The following CNTNAP2 variants were observed in gnomAD, a reference collection of about 807,000 sequenced individuals.
The protein encoded by CNTNAP2 is contactin associated protein 2.
Under a neutral mutation model 155.2 loss-of-function variants are expected in CNTNAP2, and 98 were observed. That is an observed-to-expected ratio of 0.63 (90% CI 0.54 to 0.75). The LOEUF is 0.75. Ranked by LOEUF, CNTNAP2 falls within the 30% of genes least tolerant of loss-of-function variation. The probability of loss-of-function intolerance (pLI) is 0.00; values close to 1 mark genes in which losing one functional copy is unlikely to be tolerated. For synonymous variants in CNTNAP2, 651 were observed against 631.2 expected, an observed-to-expected ratio of 1.03 and a Z score of -0.47; for missense variants, 1,727 against 1,688.1, an observed-to-expected ratio of 1.02 and a Z score of -0.40.
At chr7:146,783,689 C>A (rs568440842) in intron 2 of CNTNAP2, among the ~76,000 whole-genome samples, 7 of 152,240 alleles carry the variant, frequency 4.6e-5, no homozygotes, top group African/African-American at 1.7e-4. Flanking sequence ...TCATAGAAAT[C>A]TGTGCTAGGT....
chr7:147,936,819 C>A (rs1162363973), intron 14 of CNTNAP2, among the ~76,000 whole-genome samples: 4 of 152,146 alleles, frequency 2.6e-5, no homozygotes, highest in Non-Finnish European at 5.9e-5. Flanking sequence ...ATGGTGACAT[C>A]CTGTTACCGT....
intron 8 of CNTNAP2, among the ~76,000 whole-genome samples, chr7:147,144,025 AG>A (rs1009780437): frequency 1.4e-4 from 22 of 152,150 alleles, no homozygotes; most frequent in African/African-American, 5.1e-4. Context: ...GATTAACTCC[AG>A]GGAAAAACAA....
chr7:146,667,024 C>A (rs2642500), intron 1 of CNTNAP2, among the ~76,000 whole-genome samples: 122,999 of 152,082 alleles, frequency 0.81, 50,340 homozygotes, highest in South Asian at 0.91. Flanking sequence ...TGTTGTTGTA[C>A]TTTTGAGGAA....
chr7:146,636,119 G>A (rs1458244165), intron 1 of CNTNAP2, among the ~76,000 whole-genome samples: 2 of 151,110 alleles, frequency 1.3e-5, no homozygotes, highest in African/African-American at 4.9e-5. Context: ...ACGGAAAACA[G>A]ATCAGTGAAT....
intron 1 of CNTNAP2, among the ~76,000 whole-genome samples, chr7:146,357,441 ATATCT>A (rs1385125254): frequency 5.9e-5 from 9 of 152,238 alleles, no homozygotes; most frequent in South Asian, 2.1e-4. Context: ...CTATAAGATC[ATATCT>A]TATCATATAA....
chr7:147,384,280 A>G (rs1339062823), intron 9 of CNTNAP2, among the ~76,000 whole-genome samples: 2 of 152,228 alleles, frequency 1.3e-5, no homozygotes, highest in Non-Finnish European at 2.9e-5. Context: ...TATTACAGAA[A>G]AAGTGAAACT....
chr7:148,174,920 C>A (rs774383371), intron 18 of CNTNAP2, among the ~76,000 whole-genome samples: 3 of 152,022 alleles, frequency 2.0e-5, no homozygotes, highest in Non-Finnish European at 2.9e-5. Context: ...CGCCAACCCC[C>A]CAACAGACCC....
chr7:147,435,479 G>A lies in CNTNAP2; in HGVS notation c.1670+39699G>A, dbSNP rs551842306. Among the ~76,000 whole-genome samples, 13 of 152,300 alleles carry A rather than the reference G, an allele frequency of 8.5e-5. No homozygotes were observed. In the East Asian group the frequency reaches 2.1e-3, roughly 25 times the overall value. The stretch of plus-strand genomic sequence containing the variant: ...CACTGCCTTAGGCATTAGGATCTGA[G>A]ACTATATATCCATGGATTGCAGCAA... On this transcript the variant is annotated intron_variant, in intron 10 of 23. Coordinates refer to ENST00000361727, the MANE Select transcript of CNTNAP2 (RefSeq NM_014141.6).
chr7:146,561,747 G>A (rs189520809), intron 1 of CNTNAP2, among the ~76,000 whole-genome samples: 130 of 152,154 alleles, frequency 8.5e-4, no homozygotes, highest in African/African-American at 3.1e-3. Flanking sequence ...ATGAAATTCC[G>A]GCAACTTTTA....
intron 13 of CNTNAP2, among the ~76,000 whole-genome samples, chr7:147,753,895 T>C (rs556416916): frequency 1.7e-4 from 26 of 152,278 alleles, no homozygotes; most frequent in African/African-American, 5.3e-4. Context: ...GATTAATATA[T>C]ATTCAAAAAA....
intron 8 of CNTNAP2, among the ~76,000 whole-genome samples, chr7:147,179,500 G>T (rs1338368403): frequency 2.0e-5 from 3 of 152,132 alleles, no homozygotes; most frequent in Non-Finnish European, 2.9e-5. Context: ...AGGAACAAAT[G>T]GTTGACCTGT....
intron 13 of CNTNAP2, among the ~76,000 whole-genome samples, chr7:147,745,971 T>C (rs1797035595): frequency 6.6e-6 from 1 of 152,238 alleles, no homozygotes; most frequent in Non-Finnish European, 1.5e-5. Context: ...TCATGGGGTG[T>C]AATCTGTATA....
intron 1 of CNTNAP2, among the ~76,000 whole-genome samples, chr7:146,329,857 C>T (rs1376009551): frequency 3.3e-5 from 5 of 152,024 alleles, no homozygotes; most frequent in South Asian, 4.2e-4. Context: ...CATTATATAA[C>T]GAGTCTTCAC....
At chr7:146,293,929 G>T (rs1157971458) in intron 1 of CNTNAP2, among the ~76,000 whole-genome samples, 1 of 151,852 alleles carries the variant, frequency 6.6e-6, no homozygotes, top group Non-Finnish European at 1.5e-5. Context: ...GAGTTGGAGG[G>T]GCTGCCTTTC....
At chr7:146,729,374 G>T (rs1223890504) in intron 1 of CNTNAP2, among the ~76,000 whole-genome samples, 1 of 152,138 alleles carries the variant, frequency 6.6e-6, no homozygotes, top group Non-Finnish European at 1.5e-5. Context: ...CAGAATGGAA[G>T]TGTCAATTTC....
chr7:147,752,395 G>A (rs1797149548), intron 13 of CNTNAP2, among the ~76,000 whole-genome samples: 1 of 152,088 alleles, frequency 6.6e-6, no homozygotes, highest in Admixed American at 6.5e-5. Flanking sequence ...TAGAAGCTGT[G>A]ATGACAGACG....
chr7:146,432,475 T>C lies in CNTNAP2; in HGVS notation c.97+315502T>C, dbSNP rs1422299970. On this transcript the variant is annotated intron_variant, in intron 1 of 23. Transcript: ENST00000361727. ...TAAATATAAATTCTCATTATGAAACTCTGTAAATGTAGAAACTATGGAACA... is the reference window on the plus strand; with the variant it reads ...TAAATATAAATTCTCATTATGAAACCCTGTAAATGTAGAAACTATGGAACA... 2.6e-5 allele frequency among the ~76,000 whole-genome samples: 4 copies of C among 152,096 alleles called. No homozygotes were observed. In the East Asian group the frequency reaches 7.7e-4, roughly 29 times the overall value.
At chr7:146,462,561 T>A (rs1215959235) in intron 1 of CNTNAP2, among the ~76,000 whole-genome samples, 1 of 152,216 alleles carries the variant, frequency 6.6e-6, no homozygotes, top group Non-Finnish European at 1.5e-5. Context: ...AACACTGCTC[T>A]TGATATTGGT....
Position 146,207,376 on chromosome 7 carries a change from T to C in CNTNAP2, c.97+90403T>C, listed in dbSNP as rs1178529435. Among the ~76,000 whole-genome samples the C allele has an allele frequency of 2.6e-5, 4 of 152,066 alleles. No homozygotes were observed. In the East Asian group the frequency reaches 7.7e-4, roughly 29 times the overall value. ...TGGTTTTCTTTAATGGGGATTAAAATGCTTTCCATTCAAGATGTACTGAGT... is the reference window on the plus strand; with the variant it reads ...TGGTTTTCTTTAATGGGGATTAAAACGCTTTCCATTCAAGATGTACTGAGT... On this transcript the variant is annotated intron_variant, in intron 1 of 23. Transcript: ENST00000361727.
Sources: allele counts gnomAD v4.1 joint callset (sites outside exome capture counted in the v4.1 genomes callset), GRCh38; gene constraint gnomAD v4.1.1; transcripts MANE v1.5; gene names NCBI Gene and HGNC (gene_info 2026-07-23, HGNC 2026-07-21).